The following RBMS3 variants were observed in gnomAD, a reference collection of about 807,000 sequenced individuals.
RBMS3 encodes RNA-binding motif, single-stranded-interacting protein 3.
Under a neutral mutation model 66.8 loss-of-function variants are expected in RBMS3, and 27 were observed. The ratio of observed to expected loss-of-function variants is 0.40; its 90% CI spans 0.30 to 0.56. The LOEUF (loss-of-function observed/expected upper bound fraction) is 0.56. Among genes scored for constraint, RBMS3 ranks in the 20% least tolerant of loss-of-function variants. The pLI, the probability that RBMS3 is intolerant of heterozygous loss-of-function variation, is 0.40. For synonymous variants in RBMS3, 188 were observed against 183.0 expected (o/e 1.03, Z -0.22); for missense variants, 513 against 549.5 (o/e 0.93, Z 0.66).
chr3:29,582,328 T>C (rs144080420), intron 3 of RBMS3, among the ~76,000 whole-genome samples: 1 of 152,334 alleles, frequency 6.6e-6, no homozygotes, highest in East Asian at 1.9e-4. Context: ...GCCAATGGAA[T>C]GAGTGTATTT....
chr3:29,453,263 G>C (rs549498754), intron 2 of RBMS3, among the ~76,000 whole-genome samples: 19 of 152,248 alleles, frequency 1.2e-4, no homozygotes, highest in African/African-American at 4.3e-4. Context: ...ACTCCACTTA[G>C]GTAAAGAAAA....
At chr3:29,965,441 C>A (rs111717693) in intron 12 of RBMS3, among the ~76,000 whole-genome samples, 1 of 151,976 alleles carries the variant, frequency 6.6e-6, no homozygotes, top group South Asian at 2.1e-4. Context: ...AAGGTGGTAT[C>A]GCATTGTGGT....
chr3:29,773,253 T>G lies in RBMS3; in HGVS notation c.637+10264T>G, dbSNP rs373688609. Among the ~76,000 whole-genome samples the G allele has an allele frequency of 1.3e-4, 20 of 152,148 alleles. No individual in the cohort carries two copies. In the East Asian group the frequency reaches 2.5e-3, roughly 19 times the overall value. ...CCTAAAGCTCTAAATGCCCTAAATC[T>G]TTCATCTGAAAGCTTAGTTTTGAGA... On this transcript the variant is annotated intron_variant, in intron 6 of 14. Coordinates refer to ENST00000383767, the MANE Select transcript of RBMS3 (RefSeq NM_001003793.3).
chr3:29,901,969 AT>A (rs2060265321), intron 10 of RBMS3, among the ~76,000 whole-genome samples: 1 of 151,830 alleles, frequency 6.6e-6, no homozygotes, highest in South Asian at 2.1e-4. Flanking sequence ...CTTTAATTTT[AT>A]CATCAAAGTG....
intron 6 of RBMS3, among the ~76,000 whole-genome samples, chr3:29,807,455 A>G (rs1261997552): frequency 1.3e-5 from 2 of 152,064 alleles, no homozygotes; most frequent in East Asian, 3.9e-4. Flanking sequence ...CTATTGACCC[A>G]ACAATCTTAT....
intron 2 of RBMS3, among the ~76,000 whole-genome samples, chr3:29,458,821 A>G (rs1245023807): frequency 6.6e-6 from 1 of 152,212 alleles, no homozygotes; most frequent in African/African-American, 2.4e-5. Context: ...TTGAGTGGTC[A>G]GATGTAAGCA....
intron 1 of RBMS3, among the ~76,000 whole-genome samples, chr3:29,367,764 C>G (rs895000596): frequency 6.6e-6 from 1 of 152,024 alleles, no homozygotes; most frequent in Non-Finnish European, 1.5e-5. Context: ...TAATATTCCC[C>G]TATGCTTAAT....
intron 6 of RBMS3, among the ~76,000 whole-genome samples, chr3:29,774,260 C>G (rs1332733198): frequency 6.6e-6 from 1 of 151,946 alleles, no homozygotes; most frequent in East Asian, 1.9e-4. Flanking sequence ...TAAGGCAGCA[C>G]TTGTTTATAG....
At position 29,559,952 on chromosome 3, in the gene RBMS3, C is replaced by A. The variant is rs572788481; in HGVS notation, c.308-27162C>A. Among the ~76,000 whole-genome samples, 104 of 152,242 alleles carry A rather than the reference C, an allele frequency of 6.8e-4. 1 individual carries two copies. The highest frequency in any genetic ancestry group is 2.3e-3 in the African/African-American group (94 of 41,530). On this transcript the variant is annotated intron_variant, in intron 3 of 14. Transcript: ENST00000383767. ...TGCAGGGCATTCTGACATACAAAAG[C>A]ATCTTATTTTACATGGTCTTATGTC... is the stretch of plus-strand genomic sequence containing the variant.
At chr3:29,349,561 T>A (rs1056536617) in intron 1 of RBMS3, among the ~76,000 whole-genome samples, 1 of 152,202 alleles carries the variant, frequency 6.6e-6, no homozygotes, top group Admixed American at 6.5e-5. Flanking sequence ...CAGAATAACT[T>A]TCTCCAAACA....
chr3:29,801,192 T>G (rs1435573371), intron 6 of RBMS3, among the ~76,000 whole-genome samples: 1 of 151,910 alleles, frequency 6.6e-6, no homozygotes, highest in Non-Finnish European at 1.5e-5. Context: ...GCAATGGGGG[T>G]CAGTTCCAGG....
chr3:29,309,852 G>T (rs1359020270), intron 1 of RBMS3, among the ~76,000 whole-genome samples: 1 of 151,548 alleles, frequency 6.6e-6, no homozygotes, highest in Non-Finnish European at 1.5e-5. Context: ...GAAGAAGGGG[G>T]TGAAAACTCA....
intron 12 of RBMS3, among the ~76,000 whole-genome samples, chr3:29,958,612 T>C (rs1696198771): frequency 6.6e-6 from 1 of 152,184 alleles, no homozygotes; most frequent in Admixed American, 6.5e-5. Flanking sequence ...GCTTATACTT[T>C]ATAAGGTGCC....
At chr3:29,931,305 A>G (rs566492112) in intron 10 of RBMS3, among the ~76,000 whole-genome samples, 22 of 152,334 alleles carry the variant, frequency 1.4e-4, no homozygotes, top group Admixed American at 1.1e-3. Flanking sequence ...AAACAAGTAG[A>G]CAATAATAAA....
At chr3:29,912,051 G>A (rs1577126747) in intron 10 of RBMS3, among the ~76,000 whole-genome samples, 2 of 151,976 alleles carry the variant, frequency 1.3e-5, no homozygotes, top group South Asian at 4.1e-4. Context: ...AATGGATGGA[G>A]GGAAGGATGG....
intron 6 of RBMS3, among the ~76,000 whole-genome samples, chr3:29,770,215 C>T (rs145089923): frequency 7.9e-5 from 12 of 151,970 alleles, no homozygotes; most frequent in Non-Finnish European, 1.2e-4. Context: ...CCCCCTGCCA[C>T]GTCTTCACAT....
chr3:29,339,627 C>A (rs1333201359), intron 1 of RBMS3, among the ~76,000 whole-genome samples: 1 of 150,996 alleles, frequency 6.6e-6, no homozygotes, highest in East Asian at 1.9e-4. Context: ...GAACAGTCAT[C>A]CCTTTTTAGT....
rs1007543107 is a variant in RBMS3 at position 29,673,043 on chromosome 3, C to T, written c.400-66677C>T. Among the ~76,000 whole-genome samples, 13 of 152,206 alleles carry T rather than the reference C, an allele frequency of 8.5e-5. 1 individual carries two copies. The highest frequency in any genetic ancestry group is 2.9e-5 in the Non-Finnish European group (2 of 68,036). On this transcript the variant is annotated intron_variant, in intron 4 of 14. Transcript: ENST00000383767. ...AAATGTAAAAGAACAGAAATTATAACAAACTGTCTCTCAGACCACAGTGAA... is the reference window on the plus strand; with the variant it reads ...AAATGTAAAAGAACAGAAATTATAATAAACTGTCTCTCAGACCACAGTGAA...
intron 3 of RBMS3, among the ~76,000 whole-genome samples, chr3:29,510,929 A>G (rs2044374790): frequency 6.6e-6 from 1 of 152,216 alleles, no homozygotes; most frequent in Non-Finnish European, 1.5e-5. Context: ...TTATTATGAA[A>G]AGATTTGAGT....
Sources: allele counts gnomAD v4.1 joint callset (sites outside exome capture counted in the v4.1 genomes callset), GRCh38; gene constraint gnomAD v4.1.1; transcripts MANE v1.5; gene names NCBI Gene and HGNC (gene_info 2026-07-23, HGNC 2026-07-21).